PIAS1: variants seen among roughly 807,000 people sequenced by gnomAD.
PIAS1 encodes the protein E3 SUMO-protein ligase PIAS1.
Under a neutral mutation model 71.3 loss-of-function variants are expected in PIAS1, and 6 were observed. The observed-to-expected ratio is 0.08, with a 90% CI of 0.05 to 0.17. PIAS1 has a LOEUF of 0.17. PIAS1 is among the 10% of genes least tolerant of loss of function. The pLI, the probability that PIAS1 is intolerant of heterozygous loss-of-function variation, is 1.00. For synonymous variants in PIAS1, 303 were observed against 292.9 expected (o/e 1.03, Z -0.35); for missense variants, 555 against 793.6 (o/e 0.70, Z 3.61).
At chr15:68,097,693 A>G (rs1378473368) in intron 2 of PIAS1, among the ~76,000 whole-genome samples, 1 of 152,176 alleles carries the variant, frequency 6.6e-6, no homozygotes, top group Non-Finnish European at 1.5e-5. Context: ...TCGGCCTCCC[A>G]AAGTGCTGGG....
intron 2 of PIAS1, among the ~76,000 whole-genome samples, chr15:68,131,340 A>G (rs1398258260): frequency 6.6e-6 from 1 of 152,188 alleles, no homozygotes. Flanking sequence ...GCTTAAATCA[A>G]CTAATGTATC....
intron 2 of PIAS1, among the ~76,000 whole-genome samples, chr15:68,134,675 C>T (rs2092710214): frequency 2.4e-5 from 1 of 42,298 alleles, no homozygotes; most frequent in South Asian, 6.7e-4. Flanking sequence ...GGGGATGACC[C>T]CCCCACCTCC....
Position 68,187,469 on chromosome 15 carries a change from T to TA in PIAS1, c.1663-73_1663-72insA. On this transcript the variant is annotated intron_variant, in intron 13 of 13. Coordinates refer to ENST00000249636, the MANE Select transcript of PIAS1 (RefSeq NM_016166.3). This position sits in a 1 kb window ranked among gnomAD's most constrained non-coding sequence, Gnocchi z 5.3. ...AGGCTATCTTAAATTTAGGGCTGTG[T>TA]CCCGCTGAGGAGAAAATATATTAAT... 7.2e-7 allele frequency: 1 copy of TA among 1,380,188 alleles called. No individual in the cohort carries two copies. Among genetic ancestry groups the TA allele is most frequent in the Non-Finnish European group, 1.0e-6 (1 of 985,322 alleles). 85.5% of individuals were successfully genotyped at this position (1,380,188 alleles called of 1,614,324 possible).
chr15:68,177,588 T>C (rs1182949203), intron 11 of PIAS1, among the ~76,000 whole-genome samples: 3 of 152,212 alleles, frequency 2.0e-5, no homozygotes, highest in Non-Finnish European at 4.4e-5. Context: ...TATACTTCAG[T>C]TCATGAAACA....
intron 7 of PIAS1, among the ~76,000 whole-genome samples, chr15:68,162,990 A>C (rs2092934859): frequency 6.6e-6 from 1 of 152,206 alleles, no homozygotes. Context: ...TTGAGGGCAC[A>C]TCTTCCTCAC....
intron 1 of PIAS1, among the ~76,000 whole-genome samples, chr15:68,082,550 C>T (rs2092238775): frequency 6.6e-6 from 1 of 152,042 alleles, no homozygotes; most frequent in African/African-American, 2.4e-5. Context: ...GTAAGGAAAG[C>T]AAAGTTATAC....
Position 68,151,715 on chromosome 15 carries a change from C to G in PIAS1, c.829-1875C>G, listed in dbSNP as rs574997720. ...ACACACACACACACACACAAATTAGCTAGATATGGTGGTGCACACTTGTAG... is the reference window on the plus strand; with the variant it reads ...ACACACACACACACACACAAATTAGGTAGATATGGTGGTGCACACTTGTAG... On this transcript the variant is annotated intron_variant, in intron 6 of 13. Coordinates refer to ENST00000249636, the MANE Select transcript of PIAS1 (RefSeq NM_016166.3). Among the ~76,000 whole-genome samples, 7 of 139,450 alleles carry G rather than the reference C, an allele frequency of 5.0e-5. No individual in the cohort carries two copies. In the East Asian group the frequency reaches 1.4e-3, roughly 29 times the overall value. The allele number at this position is 139,450 out of a possible 152,430, so 91.5% of individuals were successfully genotyped here. A position where few individuals can be genotyped will look rare whatever the true frequency, so the allele number is the denominator to read the frequency against.
At chr15:68,162,749 C>G (rs1200012204) in intron 7 of PIAS1, among the ~76,000 whole-genome samples, 3 of 152,120 alleles carry the variant, frequency 2.0e-5, no homozygotes. Context: ...ACCTGGAATT[C>G]TTTCTTTTTA....
intron 1 of PIAS1, among the ~76,000 whole-genome samples, chr15:68,078,144 CCTA>C (rs2140973516): frequency 1.3e-5 from 2 of 152,184 alleles, no homozygotes; most frequent in South Asian, 4.2e-4. Flanking sequence ...TTCTTAAAGC[CCTA>C]CTTAGTATTT....
intron 2 of PIAS1, among the ~76,000 whole-genome samples, chr15:68,132,917 CTCTG>C (rs1443905419): frequency 3.3e-5 from 5 of 151,530 alleles, no homozygotes; most frequent in African/African-American, 1.2e-4. Context: ...TTATCCCATT[CTCTG>C]TCTCTCATAG....
At chr15:68,119,237 CAAAAAAAAA>C (rs60879036) in intron 2 of PIAS1, among the ~76,000 whole-genome samples, 7 of 27,410 alleles carry the variant, frequency 2.6e-4, no homozygotes, top group South Asian at 3.3e-3. Flanking sequence ...CCATCTCTAC[CAAAAAAAAA>C]AAAAAAAAAA....
At chr15:68,127,789 G>GTC (rs2092661287) in intron 2 of PIAS1, among the ~76,000 whole-genome samples, 1 of 152,030 alleles carries the variant, frequency 6.6e-6, no homozygotes, top group Non-Finnish European at 1.5e-5. Context: ...TTGAGATGGA[G>GTC]TCTCGCTCTA....
intron 2 of PIAS1, among the ~76,000 whole-genome samples, chr15:68,090,446 T>C (rs1177142771): frequency 1.3e-5 from 2 of 151,850 alleles, no homozygotes; most frequent in East Asian, 3.9e-4. Context: ...TTACCCTTTA[T>C]TAAATGTTTT....
intron 6 of PIAS1, among the ~76,000 whole-genome samples, chr15:68,150,298 C>A (rs1052952928): frequency 2.0e-5 from 3 of 151,820 alleles, no homozygotes; most frequent in African/African-American, 7.3e-5. Context: ...GGAATATGGC[C>A]GCTGATAAAA....
intron 2 of PIAS1, among the ~76,000 whole-genome samples, chr15:68,092,278 T>C (rs138217586): frequency 0.015 from 2,286 of 152,130 alleles, 26 homozygotes; most frequent in Non-Finnish European, 0.023. Flanking sequence ...GCTCAAGCGA[T>C]CCTCCCACCT....
intron 7 of PIAS1, among the ~76,000 whole-genome samples, chr15:68,159,921 C>T (rs1433346901): frequency 6.6e-6 from 1 of 151,826 alleles, no homozygotes; most frequent in African/African-American, 2.4e-5. Context: ...GTAAATATAC[C>T]ATTTTTGCAT....
At chr15:68,142,059 T>A in intron 3 of PIAS1, 29 bp downstream of exon 3, 1 of 1,430,344 alleles carries the variant, frequency 7.0e-7, no homozygotes, top group Non-Finnish European at 9.7e-7. Context: ...TAACTTGAAG[T>A]TTGACCTTTG....
At chr15:68,154,151 C>T (rs1293327558) in intron 7 of PIAS1, among the ~76,000 whole-genome samples, 1 of 152,246 alleles carries the variant, frequency 6.6e-6, no homozygotes, top group East Asian at 1.9e-4. Flanking sequence ...AACGCTGCTC[C>T]TGAGTTTCAT....
intron 2 of PIAS1, among the ~76,000 whole-genome samples, chr15:68,115,736 T>C (rs1408119139): frequency 6.6e-6 from 1 of 152,082 alleles, no homozygotes; most frequent in Non-Finnish European, 1.5e-5. Flanking sequence ...CTGGAGAGTG[T>C]TTATTAGGAA....
Sources: allele counts gnomAD v4.1 joint callset (sites outside exome capture counted in the v4.1 genomes callset), GRCh38; gene constraint gnomAD v4.1.1; non-coding constraint Gnocchi (gnomAD v3.1); transcripts MANE v1.5; gene names NCBI Gene and HGNC (gene_info 2026-07-23, HGNC 2026-07-21).